Variants in ELP2 observed in about 807,000 individuals in gnomAD.
ELP2 encodes elongator acetyltransferase complex subunit 2.
Under a neutral mutation model 119.2 loss-of-function variants are expected in ELP2, and 90 were observed. The observed-to-expected ratio is 0.75, with a 90% CI of 0.64 to 0.90. The LOEUF is 0.90. Among genes scored for constraint, ELP2 ranks in the 40% least tolerant of loss-of-function variants. The pLI, the probability that ELP2 is intolerant of heterozygous loss-of-function variation, is 0.00. For synonymous variants in ELP2, 339 were observed against 331.0 expected, an observed-to-expected ratio of 1.02 and a Z score of -0.26; for missense variants, 921 against 967.8, an observed-to-expected ratio of 0.95 and a Z score of 0.64.
At chr18:36,134,179 C>T (rs1274408486) in intron 2 of ELP2, among the ~76,000 whole-genome samples, 1 of 152,070 alleles carries the variant, frequency 6.6e-6, no homozygotes, top group Non-Finnish European at 1.5e-5. Context: ...CCCTAGTTTG[C>T]ACCTTAATAA....
Position 36,165,057 on chromosome 18 carries a change from C to T in ELP2, c.1954+390C>T, listed in dbSNP as rs542902886. On this transcript the variant is annotated intron_variant, in intron 18 of 21. Transcript: ENST00000358232. ...AATAATGAAGATACAACTAAGAAAA[C>T]TCATGGTTGAGTGGTTTCTTCTCTC... 18 of 217,132 alleles carry T rather than the reference C, an allele frequency of 8.3e-5. No individual in the cohort carries two copies. The South Asian group carries it at 1.2e-3, about 15-fold the overall frequency. 13.5% of individuals were successfully genotyped at this position (217,132 alleles called of 1,614,324 possible).
Position 36,167,197 on chromosome 18 carries a change from T to A in ELP2, c.2051T>A (p.Phe684Tyr). Reference sequence around the variant, plus strand: ...GATTGGAGTCCTGACAGCAAGTATTTCTTCACTGGGAGTCGAGACAAAAAG... The same window carrying A: ...GATTGGAGTCCTGACAGCAAGTATTACTTCACTGGGAGTCGAGACAAAAAG... ...SCDWSPDSKYFFTGSRDKKVV... is the reference protein window; with the variant it reads ...SCDWSPDSKYYFTGSRDKKVV... The change falls in exon 19 of 22, where the codon TTC becomes TAC. Residue 684 changes from phenylalanine (F) to tyrosine (Y), a missense_variant. Physicochemically the swap from Phe to Tyr is conservative, Grantham distance 22. Coordinates refer to ENST00000358232, the MANE Select transcript of ELP2 (RefSeq NM_018255.4). 6.3e-7 allele frequency: 1 copy of A among 1,594,748 alleles called. No homozygotes were observed. The highest frequency in any genetic ancestry group is 8.6e-7 in the Non-Finnish European group (1 of 1,169,178).
intron 11 of ELP2, among the ~76,000 whole-genome samples, chr18:36,151,700 G>T (rs1016622119): frequency 6.6e-6 from 1 of 150,728 alleles, no homozygotes; most frequent in African/African-American, 2.4e-5. Flanking sequence ...AAGAAATGAT[G>T]GTTGGGCATC....
At chr18:36,170,239 T>G in intron 20 of ELP2, 43 bp downstream of exon 20, 1 of 1,611,788 alleles carries the variant, frequency 6.2e-7, no homozygotes, top group Non-Finnish European at 8.5e-7. Flanking sequence ...GACCACTTGG[T>G]TTCTTAATAT....
At chr18:36,141,608 CTA>C (rs968094135) in intron 6 of ELP2, among the ~76,000 whole-genome samples, 138 of 151,582 alleles carry the variant, frequency 9.1e-4, no homozygotes, top group African/African-American at 3.2e-3. Flanking sequence ...TTGGTTAACT[CTA>C]AACTCATTTA....
At chr18:36,147,821 TTTA>T (rs562077500) in intron 11 of ELP2, among the ~76,000 whole-genome samples, 7 of 151,834 alleles carry the variant, frequency 4.6e-5, no homozygotes, top group East Asian at 1.9e-4. Flanking sequence ...TGTATTTTAT[TTTA>T]TTATTATTGT....
In ELP2 at chr18:36,175,783, C is replaced by G. The variant is rs1339562815; in HGVS notation, c.*1142C>G. 3 of 152,016 alleles carry G rather than the reference C, an allele frequency of 2.0e-5. No individual in the cohort carries two copies. 9.4% of individuals were successfully genotyped at this position (152,016 alleles called of 1,614,324 possible). A position where few individuals can be genotyped will look rare whatever the true frequency, so the allele number is the denominator to read the frequency against. On this transcript the variant is annotated 3_prime_UTR_variant, in exon 22 of 22. Coordinates refer to ENST00000358232, the MANE Select transcript of ELP2 (RefSeq NM_018255.4). ...TGTGAAGGCTGGTGTGAGCAGGGGA[C>G]TACTCCAGCCCTGTTGGAACATAGA...
intron 9 of ELP2, chr18:36,145,410 AAAGT>A (rs1324435726): frequency 6.5e-6 from 2 of 308,746 alleles, no homozygotes; most frequent in Non-Finnish European, 1.2e-5. Flanking sequence ...TATTTATGAG[AAAGT>A]AAGACTGTTA....
At chr18:36,163,274 G>GTCT in intron 17 of ELP2, among the ~76,000 whole-genome samples, 1 of 147,290 alleles carries the variant, frequency 6.8e-6, no homozygotes, top group Admixed American at 6.8e-5. Context: ...AGTTCATGGG[G>GTCT]GGTGTGTGTG....
At chr18:36,145,238 G>C in intron 9 of ELP2, 1 of 541,768 alleles carries the variant, frequency 1.8e-6, no homozygotes, top group Admixed American at 2.9e-5. Flanking sequence ...TGGGAAAAGT[G>C]TAATTCCTGC....
chr18:36,176,283 G>C lies in ELP2; in HGVS notation c.*1642G>C, dbSNP rs1042957344. The C allele has an allele frequency of 5.9e-5, 9 of 152,240 alleles. No homozygotes were observed. The highest frequency in any genetic ancestry group is 1.9e-4 in the African/African-American group (8 of 41,392). The allele number at this position is 152,240 out of a possible 1,614,324, so 9.4% of individuals were successfully genotyped here. A position where few individuals can be genotyped will look rare whatever the true frequency, so the allele number is the denominator to read the frequency against. On this transcript the variant is annotated 3_prime_UTR_variant, in exon 22 of 22. Coordinates refer to ENST00000358232, the MANE Select transcript of ELP2 (RefSeq NM_018255.4). ...TGTATACTCTTGTGCCGTCAGCTGG[G>C]GGGTGGGGTGTGTGTGCGTGTATAC...
intron 11 of ELP2, among the ~76,000 whole-genome samples, chr18:36,147,495 A>T (rs1248194118): frequency 6.7e-6 from 1 of 149,830 alleles, no homozygotes. Context: ...GCTCACTGCA[A>T]CCTCCACCTT....
intron 1 of ELP2, among the ~76,000 whole-genome samples, chr18:36,131,073 T>TAGAG (rs1376601612): frequency 1.3e-5 from 2 of 150,678 alleles, no homozygotes; most frequent in Non-Finnish European, 3.0e-5. Flanking sequence ...ACTCGGGAGG[T>TAGAG]AGAGGTGGGA....
At chr18:36,159,868 A>G in intron 15 of ELP2, 38 bp downstream of exon 15, 1 of 1,606,478 alleles carries the variant, frequency 6.2e-7, no homozygotes. Context: ...AATCGCTAGA[A>G]CACACAGTAT....
At chr18:36,130,367 T>G (rs556800853) in intron 1 of ELP2, among the ~76,000 whole-genome samples, 39 of 152,370 alleles carry the variant, frequency 2.6e-4, no homozygotes, top group African/African-American at 9.4e-4. Flanking sequence ...AAGCCTTCCT[T>G]GGGAACTGTA....
chr18:36,132,800 A>G (rs546974475), intron 1 of ELP2, among the ~76,000 whole-genome samples: 3 of 151,236 alleles, frequency 2.0e-5, no homozygotes, highest in East Asian at 3.9e-4. Flanking sequence ...TTAATCACAG[A>G]TTCTTCTATT....
At chr18:36,144,331 A>G (rs1440879381) in intron 8 of ELP2, among the ~76,000 whole-genome samples, 1 of 152,198 alleles carries the variant, frequency 6.6e-6, no homozygotes, top group African/African-American at 2.4e-5. Context: ...GTCCATTCTT[A>G]CGCTTCTATA....
chr18:36,156,781 A>G (rs1453477017), intron 13 of ELP2, 127 bp downstream of exon 13: 4 of 935,672 alleles, frequency 4.3e-6, no homozygotes, highest in Middle Eastern at 3.3e-4. Context: ...TTAATGTAAG[A>G]TGTGACAAAG....
chr18:36,154,157 T>C (rs535647417), intron 11 of ELP2, among the ~76,000 whole-genome samples: 1 of 151,860 alleles, frequency 6.6e-6, no homozygotes, highest in East Asian at 1.9e-4. Flanking sequence ...TAGCTATTTA[T>C]ACACATTTAA....
Sources: gnomAD v4.1 joint callset for allele counts (sites outside exome capture counted in the v4.1 genomes callset) on GRCh38, gnomAD v4.1.1 for gene constraint, MANE v1.5 for transcripts, NCBI Gene and HGNC (gene_info 2026-07-23, HGNC 2026-07-21) for gene names.